PPP5C: variants seen among roughly 807,000 people sequenced by gnomAD.
PPP5C encodes the protein serine/threonine-protein phosphatase 5.
In PPP5C, 21 loss-of-function variants were observed where a neutral mutation model predicts 66.7. The observed-to-expected ratio is 0.31, with a 90% CI of 0.22 to 0.45. The LOEUF is 0.45. Ranked by LOEUF, PPP5C falls within the 20% of genes least tolerant of loss-of-function variation. The probability of loss-of-function intolerance (pLI) is 1.00; values close to 1 mark genes in which losing one functional copy is unlikely to be tolerated. For missense variants in PPP5C, 464 were observed against 675.9 expected (o/e 0.69, Z 3.48); for synonymous variants, 246 against 257.4 (o/e 0.96, Z 0.43).
intron 2 of PPP5C, among the ~76,000 whole-genome samples, chr19:46,370,987 A>T (rs913205951): frequency 6.6e-6 from 1 of 151,866 alleles, no homozygotes; most frequent in Non-Finnish European, 1.5e-5. Flanking sequence ...TGATCCGCCC[A>T]CCTCGGCCTC....
At chr19:46,385,189 G>A (rs1361703191) in intron 7 of PPP5C, among the ~76,000 whole-genome samples, 2 of 152,198 alleles carry the variant, frequency 1.3e-5, no homozygotes, top group Non-Finnish European at 2.9e-5. Flanking sequence ...ATTTGCACAA[G>A]GGCATGAAAC....
chr19:46,361,131 T>TAAA (rs1972379403), intron 2 of PPP5C, among the ~76,000 whole-genome samples: 2 of 142,326 alleles, frequency 1.4e-5, no homozygotes, highest in African/African-American at 5.2e-5. Context: ...GAAAGAAAAT[T>TAAA]TTTTTTTTTT....
intron 4 of PPP5C, among the ~76,000 whole-genome samples, chr19:46,379,810 C>T (rs1972759354): frequency 6.6e-6 from 1 of 152,198 alleles, no homozygotes. Context: ...TCCATTATAT[C>T]CGCAGTGAAT....
At chr19:46,389,404 CA>C in intron 11 of PPP5C, among the ~76,000 whole-genome samples, 2 of 26,454 alleles carry the variant, frequency 7.6e-5, no homozygotes, top group Non-Finnish European at 2.0e-4. Context: ...CACACACACA[CA>C]CACACACACA....
Position 46,390,640 on chromosome 19 carries a change from T to C in PPP5C, c.*294T>C, listed in dbSNP as rs1025195218. 4.7e-6 allele frequency: 6 copies of C among 1,286,254 alleles called. No individual in the cohort carries two copies. Among genetic ancestry groups the C allele is most frequent in the Non-Finnish European group, 6.0e-6 (6 of 1,004,900 alleles). The allele number at this position is 1,286,254 out of a possible 1,614,324, so 79.7% of individuals were successfully genotyped here. ...TCGGGGTGGGGTGGGGCCGAGTGGC[T>C]GCCCTGCCCCCCTCATTTGCATGGC... On this transcript the variant is annotated 3_prime_UTR_variant, in exon 13 of 13. Transcript: ENST00000012443.
intron 1 of PPP5C, among the ~76,000 whole-genome samples, chr19:46,349,297 A>T (rs1326387710): frequency 6.6e-6 from 1 of 152,116 alleles, no homozygotes; most frequent in Non-Finnish European, 1.5e-5. Context: ...CAAGAAAAAA[A>T]AAAAGAGAGA....
intron 2 of PPP5C, among the ~76,000 whole-genome samples, chr19:46,355,443 C>T (rs1568565077): frequency 2.0e-5 from 3 of 152,088 alleles, no homozygotes; most frequent in Admixed American, 6.5e-5. Flanking sequence ...AGCTCAGACA[C>T]TGTCCTGGCT....
chr19:46,386,013 AG>A (rs1972879042), intron 7 of PPP5C, among the ~76,000 whole-genome samples: 2 of 151,442 alleles, frequency 1.3e-5, no homozygotes, highest in Non-Finnish European at 1.5e-5. Context: ...GAACAGACAC[AG>A]GTGTGAGACA....
At chr19:46,350,474 G>A (rs1233796675) in intron 1 of PPP5C, among the ~76,000 whole-genome samples, 1 of 152,180 alleles carries the variant, frequency 6.6e-6, no homozygotes, top group Non-Finnish European at 1.5e-5. Context: ...GCTCTCAGGA[G>A]TCCTGGGGCT....
chr19:46,355,154 CAG>C lies in PPP5C; in HGVS notation c.363+1166_363+1167del, dbSNP rs1461839775. On this transcript the variant is annotated intron_variant, in intron 2 of 12. Transcript: ENST00000012443. ...GATTTGAACCCAGGAGGCCTGGCCT[CAG>C]GGCCTTATCTCTCCCACCTCAGAGT... Among the ~76,000 whole-genome samples, 6 of 152,356 alleles carry C rather than the reference CAG, an allele frequency of 3.9e-5. No individual in the cohort carries two copies. In the East Asian group the frequency reaches 1.2e-3, roughly 29 times the overall value.
At chr19:46,373,804 C>G (rs1479397337) in intron 2 of PPP5C, among the ~76,000 whole-genome samples, 2 of 152,136 alleles carry the variant, frequency 1.3e-5, no homozygotes, top group East Asian at 3.9e-4. Context: ...CTTTGGGAGC[C>G]CAGAGGGGGT....
At chr19:46,384,754 G>A (rs1458018630) in intron 6 of PPP5C, 50 bp from the exon 7 acceptor site, 14 of 1,197,710 alleles carry the variant, frequency 1.2e-5, no homozygotes, top group Admixed American at 3.5e-5. Flanking sequence ...CAACCCCACC[G>A]CACCGCACCC....
chr19:46,353,387 A>G (rs921808578), intron 1 of PPP5C, among the ~76,000 whole-genome samples: 1 of 151,342 alleles, frequency 6.6e-6, no homozygotes, highest in Non-Finnish European at 1.5e-5. Flanking sequence ...CCCCCTGCCC[A>G]CTCCACCCAG....
chr19:46,381,406 A>G (rs558292248), intron 4 of PPP5C: 111 of 152,308 alleles, frequency 7.3e-4, no homozygotes, highest in African/African-American at 2.5e-3. Context: ...GCTATTTTGT[A>G]TAAAAGAACA....
rs73940698 is a variant in PPP5C at position 46,373,097 on chromosome 19, G to A, written c.364-2507G>A. On this transcript the variant is annotated intron_variant, in intron 2 of 12. Transcript: ENST00000012443. The stretch of plus-strand genomic sequence containing the variant: ...TGAGGGAGGCTTGAGATGTGAGGCC[G>A]CCTGTCCTGGCAGGCCTGGATTCAG... 5.4e-3 allele frequency among the ~76,000 whole-genome samples: 829 copies of A among 152,362 alleles called. 9 individuals carry two copies. Among genetic ancestry groups the A allele is most frequent in the African/African-American group, 0.018 (747 of 41,592 alleles).
chr19:46,390,618 G>C lies in PPP5C; in HGVS notation c.*272G>C. 1.5e-6 allele frequency: 2 copies of C among 1,337,786 alleles called. No homozygotes were observed. The highest frequency in any genetic ancestry group is 1.9e-6 in the Non-Finnish European group (2 of 1,037,048). The allele number at this position is 1,337,786 out of a possible 1,614,324, so 82.9% of individuals were successfully genotyped here. A position where few individuals can be genotyped will look rare whatever the true frequency, so the allele number is the denominator to read the frequency against. ...GCATTCTGTGGGGAGGCCGTCCTCG[G>C]GGTGGGGTGGGGCCGAGTGGCTGCC... On this transcript the variant is annotated 3_prime_UTR_variant, in exon 13 of 13. Coordinates refer to ENST00000012443, the MANE Select transcript of PPP5C (RefSeq NM_006247.4).
Position 46,379,812 on chromosome 19 carries a change from G to T in PPP5C, c.633+3238G>T, listed in dbSNP as rs149055740. 5.4e-4 allele frequency among the ~76,000 whole-genome samples: 82 copies of T among 152,226 alleles called. 1 individual carries two copies. The highest frequency in any genetic ancestry group is 1.8e-3 in the African/African-American group (73 of 41,536). On this transcript the variant is annotated intron_variant, in intron 4 of 12. Transcript: ENST00000012443. ...ACTCCCTTAGGCATCCATTATATCC[G>T]CAGTGAATTAACTCCTCTCCTGTGA... is the stretch of plus-strand genomic sequence containing the variant.
rs1973005408 is a variant in PPP5C, at chr19:46,390,683, AATAGGGCCCCGCC to A, written c.*343_*355del. 35 of 1,220,006 alleles carry A rather than the reference AATAGGGCCCCGCC, an allele frequency of 2.9e-5. No individual in the cohort carries two copies. In the South Asian group the frequency reaches 5.3e-4, roughly 19 times the overall value. 75.6% of individuals were successfully genotyped at this position (1,220,006 alleles called of 1,614,324 possible). ...TGCATGGCTCCTCCCCCACTCAAGC[AATAGGGCCCCGCC>A]ATAGGAAGACCCCCAGAGAGAGGGT... On this transcript the variant is annotated 3_prime_UTR_variant, in exon 13 of 13. Coordinates refer to ENST00000012443, the MANE Select transcript of PPP5C (RefSeq NM_006247.4).
At chr19:46,366,354 T>C (rs1773696372) in intron 2 of PPP5C, among the ~76,000 whole-genome samples, 1 of 151,080 alleles carries the variant, frequency 6.6e-6, no homozygotes, top group Non-Finnish European at 1.5e-5. Flanking sequence ...TGGTTTTTGT[T>C]TTTTTTTTAG....
Sources: allele counts gnomAD v4.1 joint callset (sites outside exome capture counted in the v4.1 genomes callset), GRCh38; gene constraint gnomAD v4.1.1; transcripts MANE v1.5; gene names NCBI Gene and HGNC (gene_info 2026-07-23, HGNC 2026-07-21).